The following PPP6R3 variants were observed in gnomAD, a reference collection of about 807,000 sequenced individuals.
PPP6R3 encodes protein phosphatase 6 regulatory subunit 3.
A neutral mutation model predicts 110.7 loss-of-function variants in PPP6R3; 38 were observed. The observed-to-expected ratio is 0.34, with a 90% CI of 0.26 to 0.45. The LOEUF is 0.45. Among genes scored for constraint, PPP6R3 ranks in the 20% least tolerant of loss-of-function variants. The pLI, the probability that PPP6R3 is intolerant of heterozygous loss-of-function variation, is 1.00. For synonymous variants in PPP6R3, 369 were observed against 373.5 expected (o/e 0.99, Z 0.14); for missense variants, 870 against 1,062.4 (o/e 0.82, Z 2.52).
At chr11:68,598,688 G>A (rs920347089) in intron 19 of PPP6R3, among the ~76,000 whole-genome samples, 3 of 152,182 alleles carry the variant, frequency 2.0e-5, no homozygotes, top group Admixed American at 2.0e-4. Context: ...CACGGACTCT[G>A]AGGAGCTCAT....
At chr11:68,595,241 G>A (rs1046771936) in intron 18 of PPP6R3, among the ~76,000 whole-genome samples, 1 of 81,046 alleles carries the variant, frequency 1.2e-5, no homozygotes, top group African/African-American at 4.5e-5. Context: ...TGGAGACGGA[G>A]TTTTGTTCTT....
chr11:68,615,304 A>G lies in PPP6R3; in HGVS notation c.*2187A>G, dbSNP rs151294029. 165 of 353,104 alleles carry G rather than the reference A, an allele frequency of 4.7e-4. No homozygotes were observed. The highest frequency in any genetic ancestry group is 7.9e-4 in the Non-Finnish European group (142 of 178,914). 21.9% of individuals were successfully genotyped at this position (353,104 alleles called of 1,614,324 possible). A position where few individuals can be genotyped will look rare whatever the true frequency, so the allele number is the denominator to read the frequency against. On this transcript the variant is annotated 3_prime_UTR_variant, in exon 24 of 24. Coordinates refer to ENST00000393800, the MANE Select transcript of PPP6R3 (RefSeq NM_001164161.2). ...TACAATACCTGTATTCAAAATAACA[A>G]AAATAAAGCCTGATTCTTTGTTTCT...
intron 1 of PPP6R3, among the ~76,000 whole-genome samples, chr11:68,466,953 AG>A (rs1290497404): frequency 1.4e-5 from 2 of 146,316 alleles, no homozygotes; most frequent in East Asian, 4.1e-4. Flanking sequence ...TCACCGTGTT[AG>A]CCAGGATGGT....
At chr11:68,608,658 G>A (rs1275265422) in intron 22 of PPP6R3, among the ~76,000 whole-genome samples, 2 of 152,218 alleles carry the variant, frequency 1.3e-5, no homozygotes, top group African/African-American at 4.8e-5. Flanking sequence ...GTTGGGAGAA[G>A]CCATGTAGAG....
chr11:68,466,433 CTTTTTTTTT>C (rs906791744), intron 1 of PPP6R3, among the ~76,000 whole-genome samples: 4 of 125,398 alleles, frequency 3.2e-5, no homozygotes, highest in African/African-American at 6.4e-5. Context: ...AGGACATTTT[CTTTTTTTTT>C]TTTTTTTTTT....
At chr11:68,536,115 T>C (rs2099269412) in intron 2 of PPP6R3, among the ~76,000 whole-genome samples, 2 of 152,224 alleles carry the variant, frequency 1.3e-5, no homozygotes. Context: ...CCTTCTGTTA[T>C]TCCTGGATTG....
intron 2 of PPP6R3, among the ~76,000 whole-genome samples, chr11:68,537,217 C>CCAG (rs1416900336): frequency 2.0e-5 from 3 of 152,152 alleles, no homozygotes; most frequent in Non-Finnish European, 4.4e-5. Context: ...AGGCTTTTGA[C>CCAG]TATGAAAGTA....
At chr11:68,608,565 C>T (rs559679245) in intron 22 of PPP6R3, among the ~76,000 whole-genome samples, 2 of 152,248 alleles carry the variant, frequency 1.3e-5, no homozygotes, top group South Asian at 4.2e-4. Context: ...CTGAGAAACG[C>T]CCAGACAGGT....
At chr11:68,499,836 G>A (rs562344202) in intron 1 of PPP6R3, among the ~76,000 whole-genome samples, 34 of 152,204 alleles carry the variant, frequency 2.2e-4, no homozygotes, top group African/African-American at 7.7e-4. Flanking sequence ...GCCCTCCAAA[G>A]TGCTAGGGAT....
chr11:68,577,956 A>G (rs2099538437), intron 14 of PPP6R3, among the ~76,000 whole-genome samples: 1 of 152,218 alleles, frequency 6.6e-6, no homozygotes, highest in Non-Finnish European at 1.5e-5. Flanking sequence ...CTGTTGAGTT[A>G]GCCCCACTCC....
chr11:68,580,465 G>C (rs1260569151), intron 14 of PPP6R3, among the ~76,000 whole-genome samples: 2 of 152,148 alleles, frequency 1.3e-5, no homozygotes, highest in African/African-American at 4.8e-5. Context: ...GGGGAGTGCT[G>C]GCTTGCACTG....
intron 22 of PPP6R3, among the ~76,000 whole-genome samples, chr11:68,608,378 C>G (rs750458849): frequency 6.6e-5 from 10 of 152,252 alleles, no homozygotes; most frequent in Non-Finnish European, 1.2e-4. Flanking sequence ...TGATACTCTT[C>G]TTACACGAGC....
intron 2 of PPP6R3, among the ~76,000 whole-genome samples, chr11:68,519,991 CTCTG>C (rs750060227): frequency 6.6e-5 from 10 of 152,226 alleles, no homozygotes; most frequent in Non-Finnish European, 2.9e-5. Flanking sequence ...GGCACCGGGA[CTCTG>C]TCTGTGTGTT....
rs761572871 is a variant in PPP6R3 at position 68,574,233 on chromosome 11, T to C, written c.1459+9T>C. ...GCAGCAGCTTATCAAAGGTAAGTTA[T>C]TTGTGAAATTTGAATTACATTTTTG... is the stretch of plus-strand genomic sequence containing the variant. On this transcript the variant is annotated intron_variant, in intron 13 of 23. Transcript: ENST00000393800. 4.4e-6 allele frequency: 7 copies of C among 1,602,548 alleles called. No individual in the cohort carries two copies. The highest frequency in any genetic ancestry group is 3.3e-5 in the Admixed American group (2 of 59,884).
Position 68,522,037 on chromosome 11 carries a change from G to A in PPP6R3, c.-7+2386G>A, listed in dbSNP as rs187230175. 1.6e-3 allele frequency among the ~76,000 whole-genome samples: 248 copies of A among 152,258 alleles called. 4 individuals carry two copies. The highest frequency in any genetic ancestry group is 8.8e-5 in the Non-Finnish European group (6 of 68,028). ...TCCCACATTCTCTATCAGTCCCCAA[G>A]CATATTACTTCAGTTGAGTATATTC... On this transcript the variant is annotated intron_variant, in intron 2 of 23. Coordinates refer to ENST00000393800, the MANE Select transcript of PPP6R3 (RefSeq NM_001164161.2).
chr11:68,554,231 C>T lies in PPP6R3; in HGVS notation c.705C>T (p.Pro235=), dbSNP rs371453795. 1.2e-5 allele frequency: 20 copies of T among 1,612,292 alleles called. No homozygotes were observed. The highest frequency in any genetic ancestry group is 5.3e-5 in the African/African-American group (4 of 74,814). ...TACAAATTCAGAACAGTACAGAGCCCGACCCCCTGCTTGCCACTCTAGAAA... is the reference window on the plus strand; with the variant it reads ...TACAAATTCAGAACAGTACAGAGCCTGACCCCCTGCTTGCCACTCTAGAAA... ...QMLQIQNSTE[P]DPLLATLEKQ... The change falls in exon 7 of 24, where the codon CCC becomes CCT. Residue 235 remains proline (P), a synonymous_variant. Transcript: ENST00000393800.
At chr11:68,506,449 T>A (rs1371899786) in intron 1 of PPP6R3, among the ~76,000 whole-genome samples, 18 of 90,134 alleles carry the variant, frequency 2.0e-4, no homozygotes, top group South Asian at 3.7e-4. Context: ...AAAAAAAAAA[T>A]TCCTAACTGT....
chr11:68,602,273 G>T (rs753220950), intron 21 of PPP6R3, among the ~76,000 whole-genome samples: 7 of 152,232 alleles, frequency 4.6e-5, no homozygotes, highest in African/African-American at 1.7e-4. Flanking sequence ...GACGTGTGCA[G>T]CCAAGCCTGT....
At chr11:68,553,999 A>T (rs1396425855) in intron 6 of PPP6R3, 146 bp from the exon 7 acceptor site, 1 of 596,026 alleles carries the variant, frequency 1.7e-6, no homozygotes, top group African/African-American at 1.9e-5. Context: ...TTGTGATGTG[A>T]TCTCTCTTGG....
Sources: gnomAD v4.1 joint callset for allele counts (sites outside exome capture counted in the v4.1 genomes callset) on GRCh38, gnomAD v4.1.1 for gene constraint, MANE v1.5 for transcripts, NCBI Gene and HGNC (gene_info 2026-07-23, HGNC 2026-07-21) for gene names.